Variants in SRGAP3 observed in about 807,000 individuals in gnomAD.
SRGAP3 encodes SLIT-ROBO Rho GTPase activating protein 3.
A neutral mutation model predicts 121.1 loss-of-function variants in SRGAP3; 39 were observed. The observed-to-expected ratio is 0.32, with a 90% CI of 0.25 to 0.42. The LOEUF (loss-of-function observed/expected upper bound fraction) is 0.42. Among genes scored for constraint, SRGAP3 ranks in the 10% least tolerant of loss-of-function variants. The pLI, the probability that SRGAP3 is intolerant of heterozygous loss-of-function variation, is 1.00. For missense variants in SRGAP3, 1,213 were observed against 1,470.6 expected (o/e 0.82, Z 2.86); for synonymous variants, 601 against 570.0 (o/e 1.05, Z -0.77).
chr3:9,063,054 C>T (rs1365831187), intron 5 of SRGAP3, among the ~76,000 whole-genome samples: 1 of 151,940 alleles, frequency 6.6e-6, no homozygotes, highest in African/African-American at 2.4e-5. Flanking sequence ...TCTAGCTATC[C>T]CTGTGGGTAT....
intron 1 of SRGAP3, among the ~76,000 whole-genome samples, chr3:9,157,217 C>T (rs371224132): frequency 1.3e-5 from 2 of 152,010 alleles, no homozygotes; most frequent in Non-Finnish European, 2.9e-5. Flanking sequence ...GGCAGAAGGG[C>T]GAAGGGGAAG....
chr3:9,359,828 A>C (rs2030701677), intron 1 of SRGAP3, among the ~76,000 whole-genome samples: 1 of 152,218 alleles, frequency 6.6e-6, no homozygotes, highest in Non-Finnish European at 1.5e-5. Flanking sequence ...TACTCTATAG[A>C]TATAACACAC....
chr3:9,066,673 T>C (rs369142875), intron 4 of SRGAP3, among the ~76,000 whole-genome samples: 5 of 152,290 alleles, frequency 3.3e-5, no homozygotes, highest in East Asian at 1.9e-4. Flanking sequence ...CTAATGTTTA[T>C]ATTTTAGTAG....
intron 18 of SRGAP3, among the ~76,000 whole-genome samples, chr3:9,005,686 T>C (rs1943028811): frequency 6.6e-6 from 1 of 152,192 alleles, no homozygotes; most frequent in African/African-American, 2.4e-5. Flanking sequence ...TCCATTTATA[T>C]AAAATGTCCA....
At chr3:9,307,162 T>C (rs1955173564) in intron 3 of SRGAP3, among the ~76,000 whole-genome samples, 1 of 152,056 alleles carries the variant, frequency 6.6e-6, no homozygotes, top group African/African-American at 2.4e-5. Flanking sequence ...TTAGTAGAGA[T>C]GGGGTTTCAC....
chr3:9,202,157 C>T (rs932433120), intron 1 of SRGAP3, among the ~76,000 whole-genome samples: 1 of 152,178 alleles, frequency 6.6e-6, no homozygotes, highest in African/African-American at 2.4e-5. Context: ...GCCTTTGATG[C>T]TTTTGAAGAT....
At chr3:9,052,668 C>A (rs1008884022) in intron 9 of SRGAP3, among the ~76,000 whole-genome samples, 2 of 152,218 alleles carry the variant, frequency 1.3e-5, no homozygotes, top group South Asian at 4.1e-4. Context: ...AAATTTAAGA[C>A]AATTCAACAT....
chr3:9,086,944 C>T (rs1947524376), intron 3 of SRGAP3, among the ~76,000 whole-genome samples: 1 of 150,714 alleles, frequency 6.6e-6, no homozygotes, highest in Admixed American at 6.6e-5. Flanking sequence ...TTAAGAATCT[C>T]CCAGTTTGCT....
In SRGAP3 at chr3:9,068,194, T is replaced by G. The variant is rs1946519867; in HGVS notation, c.487-3613A>C. On this transcript the variant is annotated intron_variant, in intron 4 of 21. Transcript: ENST00000383836. ...GTCTGCTTGCCTCGCCACGAATCTG[T>G]CATCTGTGCTGGGTAGTTCAGGGGA... Among the ~76,000 whole-genome samples, 4 of 152,206 alleles carry G rather than the reference T, an allele frequency of 2.6e-5. 1 individual carries two copies. Among genetic ancestry groups the G allele is most frequent in the Admixed American group, 1.3e-4 (2 of 15,282 alleles).
At chr3:9,349,150 A>C (rs1231137270) in intron 1 of SRGAP3, 1 of 765,338 alleles carries the variant, frequency 1.3e-6, no homozygotes, top group African/African-American at 1.7e-5. Context: ...CCATGCGTAA[A>C]GCCATGGAAG....
chr3:9,356,358 ATTTTTTTTTTTTT>A (rs869098475), intron 1 of SRGAP3, among the ~76,000 whole-genome samples: 13 of 39,606 alleles, frequency 3.3e-4, no homozygotes, highest in Non-Finnish European at 4.5e-4. Context: ...TGGCCAGCTA[ATTTTTTTTTTTTT>A]TTTTTTTTTT....
At chr3:9,289,017 C>T (rs1185405338) in intron 3 of SRGAP3, among the ~76,000 whole-genome samples, 1 of 152,212 alleles carries the variant, frequency 6.6e-6, no homozygotes, top group Non-Finnish European at 1.5e-5. Flanking sequence ...CTGCCTCAGC[C>T]TCCCAAGTAG....
chr3:9,049,968 T>C (rs1198950633), intron 9 of SRGAP3, among the ~76,000 whole-genome samples: 6 of 151,536 alleles, frequency 4.0e-5, no homozygotes, highest in African/African-American at 1.5e-4. Context: ...GCCTCCCAAG[T>C]AGCTGGGACT....
At chr3:9,182,207 A>G (rs1951435591) in intron 1 of SRGAP3, among the ~76,000 whole-genome samples, 1 of 151,488 alleles carries the variant, frequency 6.6e-6, no homozygotes, top group Non-Finnish European at 1.5e-5. Context: ...AAAAACACAA[A>G]AAAGCATCTA....
intron 6 of SRGAP3, 163 bp from the exon 7 acceptor site, chr3:9,058,635 C>A: frequency 4.3e-6 from 3 of 693,232 alleles, no homozygotes; most frequent in Non-Finnish European, 7.5e-6. Flanking sequence ...AACCTCACGG[C>A]GCCCCTCAAG....
chr3:9,026,822 G>T, intron 13 of SRGAP3, 113 bp downstream of exon 13: 3 of 1,195,402 alleles, frequency 2.5e-6, no homozygotes, highest in Non-Finnish European at 3.7e-6. Flanking sequence ...CCCCTCCAAA[G>T]CAGAGCTGTG....
At chr3:9,205,705 T>G (rs1207694780) in intron 1 of SRGAP3, among the ~76,000 whole-genome samples, 2 of 152,170 alleles carry the variant, frequency 1.3e-5, no homozygotes, top group Non-Finnish European at 2.9e-5. Flanking sequence ...ATTCAACAGA[T>G]AGCCAAGAGA....
At chr3:9,260,308 C>A (rs76405582) in intron 3 of SRGAP3, among the ~76,000 whole-genome samples, 6,934 of 152,198 alleles carry the variant, frequency 0.046, 538 homozygotes, top group African/African-American at 0.16. Context: ...GAACCGTTCA[C>A]TCCCATGGAA....
At chr3:9,222,834 GC>G (rs1189762332) in intron 1 of SRGAP3, among the ~76,000 whole-genome samples, 1 of 152,134 alleles carries the variant, frequency 6.6e-6, no homozygotes, top group African/African-American at 2.4e-5. Flanking sequence ...AGAGCATTTT[GC>G]CCCTTCCGCT....
Sources: allele counts gnomAD v4.1 joint callset (sites outside exome capture counted in the v4.1 genomes callset), GRCh38; gene constraint gnomAD v4.1.1; transcripts MANE v1.5; gene names NCBI Gene and HGNC (gene_info 2026-07-23, HGNC 2026-07-21).